Variants in LRP1B observed in about 807,000 individuals in gnomAD.
The protein encoded by LRP1B is LDL receptor related protein 1B.
LRP1B carries 217 observed loss-of-function variants against 556.6 expected under a neutral mutation model. The observed-to-expected ratio is 0.39, with a 90% CI of 0.35 to 0.44. The LOEUF is 0.44. LRP1B is among the 20% of genes least tolerant of loss of function. LRP1B has a pLI of 1.00. For synonymous variants in LRP1B, 2,047 were observed against 1,865.8 expected, an observed-to-expected ratio of 1.10 and a Z score of -2.50; for missense variants, 5,053 against 5,620.8, an observed-to-expected ratio of 0.90 and a Z score of 3.23.
rs201444730 is a variant in LRP1B, at chr2:140,503,111, C to T, written c.8522-8G>A. The T allele has an allele frequency of 3.9e-5, 63 of 1,611,714 alleles. No individual in the cohort carries two copies. The highest frequency in any genetic ancestry group is 2.8e-4 in the African/African-American group (21 of 74,910). On this transcript the variant is annotated splice_polypyrimidine_tract_variant and splice_region_variant and intron_variant, in intron 53 of 90. Coordinates refer to ENST00000389484, the MANE Select transcript of LRP1B (RefSeq NM_018557.3). ...TACCACACTGTCGATATCCTAGAGACGCAGAAAAAACATTTGACTAATTCA... is the reference window on the plus strand; with the variant it reads ...TACCACACTGTCGATATCCTAGAGATGCAGAAAAAACATTTGACTAATTCA...
chr2:140,731,519 A>T (rs1687775693), intron 35 of LRP1B, among the ~76,000 whole-genome samples: 2 of 152,118 alleles, frequency 1.3e-5, no homozygotes, highest in South Asian at 4.2e-4. Flanking sequence ...CAGTTAAATA[A>T]GCAATTTTGC....
chr2:140,274,563 A>G lies in LRP1B; in HGVS notation c.13003T>C (p.Cys4335Arg), dbSNP rs1682592447. The change falls in exon 85 of 91, where the codon TGT becomes CGT. Residue 4335 changes from cysteine (C) to arginine (R), a missense_variant. This residue lies in a region of LRP1B where 551 missense variants were observed against 592.0 expected (regional missense o/e 0.93). Coordinates refer to ENST00000389484, the MANE Select transcript of LRP1B (RefSeq NM_018557.3). ...ACACTTCCATCATCCCCAATGGTAC[A>G]TGATTCAGAATTCACACAATAGTGG... ...CHHYCVNSESCTIGDDGSVEC... is the reference protein window; with the variant it reads ...CHHYCVNSESRTIGDDGSVEC... 3 of 1,612,488 alleles carry G rather than the reference A, an allele frequency of 1.9e-6. No homozygotes were observed. Among genetic ancestry groups the G allele is most frequent in the East Asian group, 2.2e-5 (1 of 44,804 alleles).
At chr2:140,832,028 G>A (rs1055644631) in intron 31 of LRP1B, among the ~76,000 whole-genome samples, 3 of 152,190 alleles carry the variant, frequency 2.0e-5, no homozygotes, top group Non-Finnish European at 4.4e-5. Flanking sequence ...ACAGTAGCTA[G>A]TGAGGAGGTA....
At chr2:141,846,736 T>C (rs1697657397) in intron 1 of LRP1B, among the ~76,000 whole-genome samples, 1 of 151,326 alleles carries the variant, frequency 6.6e-6, no homozygotes, top group Non-Finnish European at 1.5e-5. Flanking sequence ...AAAGTATCCA[T>C]CACATTCTCA....
chr2:141,175,758 A>C (rs1408561597), intron 7 of LRP1B, among the ~76,000 whole-genome samples: 1 of 152,056 alleles, frequency 6.6e-6, no homozygotes, highest in African/African-American at 2.4e-5. Context: ...CAGACGCCAG[A>C]ATGGAAGATC....
chr2:142,033,233 G>A (rs1348602611), intron 1 of LRP1B, among the ~76,000 whole-genome samples: 1 of 151,564 alleles, frequency 6.6e-6, no homozygotes, highest in Non-Finnish European at 1.5e-5. Context: ...TTTTTATTTT[G>A]AAATATAACG....
chr2:142,071,980 A>G (rs892724348), intron 1 of LRP1B, among the ~76,000 whole-genome samples: 3 of 151,928 alleles, frequency 2.0e-5, no homozygotes, highest in African/African-American at 7.2e-5. Context: ...AGTCTGCTCA[A>G]TCACCCAACC....
At chr2:141,662,157 AC>A (rs1285621790) in intron 2 of LRP1B, among the ~76,000 whole-genome samples, 3 of 152,192 alleles carry the variant, frequency 2.0e-5, no homozygotes, top group Non-Finnish European at 1.5e-5. Flanking sequence ...CACCAGGCCT[AC>A]CTTGCAAGAA....
At chr2:140,929,859 T>C (rs537389755) in intron 20 of LRP1B, among the ~76,000 whole-genome samples, 68 of 151,836 alleles carry the variant, frequency 4.5e-4, no homozygotes, top group African/African-American at 1.6e-3. Flanking sequence ...CAAACCCATT[T>C]CTCAATATCT....
intron 3 of LRP1B, among the ~76,000 whole-genome samples, chr2:141,331,782 G>C (rs1687667266): frequency 6.6e-6 from 1 of 151,958 alleles, no homozygotes; most frequent in South Asian, 2.1e-4. Context: ...AAATAAATCT[G>C]AGCAAATTGT....
intron 2 of LRP1B, among the ~76,000 whole-genome samples, chr2:141,658,620 A>G (rs1206576958): frequency 6.6e-6 from 1 of 152,230 alleles, no homozygotes; most frequent in East Asian, 1.9e-4. Flanking sequence ...AGAATAGCAC[A>G]AGAACTGCCC....
intron 41 of LRP1B, among the ~76,000 whole-genome samples, chr2:140,661,527 T>C (rs1396998579): frequency 1.4e-5 from 2 of 144,932 alleles, no homozygotes; most frequent in African/African-American, 5.1e-5. Context: ...AAAAACGCAG[T>C]GTGGTGGCAC....
intron 2 of LRP1B, among the ~76,000 whole-genome samples, chr2:141,593,925 C>T (rs1026438534): frequency 1.1e-4 from 16 of 152,096 alleles, no homozygotes; most frequent in Non-Finnish European, 1.6e-4. Context: ...CTAAAAGTTA[C>T]GTCCTTGGAC....
At chr2:141,644,852 A>G (rs562888038) in intron 2 of LRP1B, among the ~76,000 whole-genome samples, 8 of 152,056 alleles carry the variant, frequency 5.3e-5, no homozygotes, top group Admixed American at 1.3e-4. Context: ...TGATCCATCT[A>G]TCAGCATCAG....
At chr2:141,901,454 C>T (rs1287786707) in intron 1 of LRP1B, among the ~76,000 whole-genome samples, 1 of 151,870 alleles carries the variant, frequency 6.6e-6, no homozygotes, top group Non-Finnish European at 1.5e-5. Flanking sequence ...CTTTAGGTGT[C>T]AGTATAAAAA....
intron 53 of LRP1B, among the ~76,000 whole-genome samples, chr2:140,503,955 T>C (rs1356907509): frequency 1.3e-5 from 2 of 152,136 alleles, no homozygotes; most frequent in Non-Finnish European, 2.9e-5. Context: ...TTAAACTAGA[T>C]AGTTCTAAAA....
chr2:141,156,579 G>C (rs1226963998), intron 7 of LRP1B, among the ~76,000 whole-genome samples: 1 of 150,090 alleles, frequency 6.7e-6, no homozygotes, highest in Non-Finnish European at 1.5e-5. Context: ...CGTGAGCCGA[G>C]ATCACATCAT....
At chr2:140,386,759 T>G (rs542204458) in intron 66 of LRP1B, among the ~76,000 whole-genome samples, 11 of 152,296 alleles carry the variant, frequency 7.2e-5, no homozygotes, top group African/African-American at 2.6e-4. Flanking sequence ...ATTTAGCGCT[T>G]TTTACAACAA....
intron 6 of LRP1B, among the ~76,000 whole-genome samples, chr2:141,200,414 A>T (rs1681959290): frequency 6.6e-6 from 1 of 152,100 alleles, no homozygotes; most frequent in Non-Finnish European, 1.5e-5. Context: ...AGCAACAGGA[A>T]AAATAGCTAA....
Sources: gnomAD v4.1 joint callset for allele counts (sites outside exome capture counted in the v4.1 genomes callset) on GRCh38, gnomAD v4.1.1 for gene constraint, gnomAD v4.1.1 regional missense constraint, MANE v1.5 for transcripts, NCBI Gene and HGNC (gene_info 2026-07-23, HGNC 2026-07-21) for gene names.